Variants in RNF144A observed in about 807,000 individuals in gnomAD.
RNF144A encodes the protein ring finger protein 144A.
A neutral mutation model predicts 38.7 loss-of-function variants in RNF144A; 11 were observed. The ratio of observed to expected loss-of-function variants is 0.28; its 90% CI spans 0.18 to 0.47. The LOEUF (loss-of-function observed/expected upper bound fraction) is 0.47, where lower values mean the gene tolerates loss of function less well. Ranked by LOEUF, RNF144A falls within the 20% of genes least tolerant of loss-of-function variation. The pLI, the probability that RNF144A is intolerant of heterozygous loss-of-function variation, is 0.99. For missense variants in RNF144A, 316 were observed against 377.2 expected, an observed-to-expected ratio of 0.84 and a Z score of 1.34; for synonymous variants, 149 against 143.9, an observed-to-expected ratio of 1.04 and a Z score of -0.25.
At position 7,039,811 on chromosome 2, in the gene RNF144A, C is replaced by T. The variant is rs1672937078; in HGVS notation, c.*51C>T. The T allele has an allele frequency of 6.3e-7, 1 of 1,597,398 alleles. No homozygotes were observed. The highest frequency in any genetic ancestry group is 8.5e-7 in the Non-Finnish European group (1 of 1,170,574). ...CCTGCCTCCGGGAAGTGTGGCTCTC[C>T]CCCAACCCTCCCCACCGTCCCCCCT... On this transcript the variant is annotated 3_prime_UTR_variant, in exon 9 of 9. Transcript: ENST00000320892.
chr2:6,918,762 T>A (rs1415428510), intron 1 of RNF144A: 1 of 5,352 alleles, frequency 1.9e-4, no homozygotes, highest in Non-Finnish European at 3.4e-4. Context: ...AGACTCCGTC[T>A]CAAAAAAAAA....
In RNF144A at chr2:7,003,858, C is replaced by T. The variant is rs554730157; in HGVS notation, c.135+6797C>T. ...GGGGGCATGCATTTTCTTATGATCC[C>T]CACTTTTCTGCACGCTTTGTTTCCA... On this transcript the variant is annotated intron_variant, in intron 3 of 8. Transcript: ENST00000320892. 5.3e-5 allele frequency among the ~76,000 whole-genome samples: 8 copies of T among 152,344 alleles called. No individual in the cohort carries two copies. The South Asian group carries it at 1.0e-3, about 20-fold the overall frequency.
rs1385448304 is a variant in RNF144A at position 6,917,656 on chromosome 2, C to T, written c.-212+34C>T. Reference sequence around the variant, plus strand: ...ACGCGCGTCCCCTTTGTGTCCGCATCGCCCGGGCCGGCCGCGGAGCGGGGA... The same window carrying T: ...ACGCGCGTCCCCTTTGTGTCCGCATTGCCCGGGCCGGCCGCGGAGCGGGGA... On this transcript the variant is annotated intron_variant, in intron 1 of 8. Coordinates refer to ENST00000320892, the MANE Select transcript of RNF144A (RefSeq NM_014746.6). The surrounding 1 kb of genome is among the most constrained non-coding windows in gnomAD (Gnocchi z 4.8). 2.7e-5 allele frequency: 4 copies of T among 147,676 alleles called. No individual in the cohort carries two copies. Among genetic ancestry groups the T allele is most frequent in the South Asian group, 2.1e-4 (1 of 4,828 alleles). The allele number at this position is 147,676 out of a possible 1,614,324, so 9.1% of individuals were successfully genotyped here.
At chr2:7,031,028 C>T (rs753974453) in intron 8 of RNF144A, among the ~76,000 whole-genome samples, 2 of 152,098 alleles carry the variant, frequency 1.3e-5, no homozygotes, top group Non-Finnish European at 2.9e-5. Flanking sequence ...AGGTGGGGCT[C>T]AGGCGGTAAC....
intron 3 of RNF144A, among the ~76,000 whole-genome samples, chr2:7,009,220 G>T (rs1171805873): frequency 6.6e-6 from 1 of 152,240 alleles, no homozygotes; most frequent in Non-Finnish European, 1.5e-5. Flanking sequence ...GGGGTAAGAA[G>T]AACTAGTATT....
At chr2:7,037,101 A>G (rs969355390) in intron 8 of RNF144A, among the ~76,000 whole-genome samples, 4 of 152,138 alleles carry the variant, frequency 2.6e-5, no homozygotes, top group Non-Finnish European at 5.9e-5. Flanking sequence ...GCCTTCTGTG[A>G]TCAAGTATCT....
Position 7,041,625 on chromosome 2 carries a change from G to A in RNF144A, c.*1865G>A, listed in dbSNP as rs1673049844. The A allele has an allele frequency of 1.3e-5, 13 of 985,712 alleles. No individual in the cohort carries two copies. Among genetic ancestry groups the A allele is most frequent in the Non-Finnish European group, 1.6e-5 (13 of 829,978 alleles). 61.1% of individuals were successfully genotyped at this position (985,712 alleles called of 1,614,324 possible). A position where few individuals can be genotyped will look rare whatever the true frequency, so the allele number is the denominator to read the frequency against. On this transcript the variant is annotated 3_prime_UTR_variant, in exon 9 of 9. Coordinates refer to ENST00000320892, the MANE Select transcript of RNF144A (RefSeq NM_014746.6). ...ACTCCACGCGGGAGTCATTGGCTGG[G>A]CTTGAGCCCTCAGCCTGTGATATGT...
At chr2:6,972,359 A>G (rs1449551193) in intron 2 of RNF144A, among the ~76,000 whole-genome samples, 4 of 152,210 alleles carry the variant, frequency 2.6e-5, no homozygotes, top group African/African-American at 7.2e-5. Flanking sequence ...AAGGGAGATT[A>G]TATAACTTCT....
At chr2:6,921,023 G>A (rs539590599) in intron 1 of RNF144A, among the ~76,000 whole-genome samples, 1 of 152,278 alleles carries the variant, frequency 6.6e-6, no homozygotes, top group Non-Finnish European at 1.5e-5. Context: ...TTTTCCAGGA[G>A]AATAAATATT....
chr2:7,000,834 A>C lies in RNF144A; in HGVS notation c.135+3773A>C, dbSNP rs545443986. 6.2e-4 allele frequency among the ~76,000 whole-genome samples: 93 copies of C among 151,008 alleles called. 1 individual carries two copies. Among genetic ancestry groups the C allele is most frequent in the African/African-American group, 2.0e-3 (84 of 41,320 alleles). On this transcript the variant is annotated intron_variant, in intron 3 of 8. Transcript: ENST00000320892. ...TAAGCCAAATAAAACATACATATAC[A>C]CATATATTTTATATATATATTGCGT...
At chr2:6,930,052 C>T (rs556066025) in intron 1 of RNF144A, among the ~76,000 whole-genome samples, 6 of 152,314 alleles carry the variant, frequency 3.9e-5, no homozygotes, top group Admixed American at 1.3e-4. Context: ...TTACTTTGCA[C>T]AGTTGCGCTT....
At chr2:7,007,947 C>T (rs558399995) in intron 3 of RNF144A, among the ~76,000 whole-genome samples, 2 of 152,318 alleles carry the variant, frequency 1.3e-5, no homozygotes, top group Admixed American at 6.5e-5. Flanking sequence ...GAAGTCTTCC[C>T]TCTCCACCAG....
At chr2:6,949,562 C>G (rs1299632361) in intron 2 of RNF144A, among the ~76,000 whole-genome samples, 1 of 152,054 alleles carries the variant, frequency 6.6e-6, no homozygotes, top group African/African-American at 2.4e-5. Flanking sequence ...GAGAGCTGGC[C>G]CTGGAGGCAG....
At chr2:6,955,452 C>T (rs1380617496) in intron 2 of RNF144A, among the ~76,000 whole-genome samples, 1 of 152,140 alleles carries the variant, frequency 6.6e-6, no homozygotes, top group East Asian at 1.9e-4. Flanking sequence ...CGTGGGGATT[C>T]CAGGGCTGGC....
intron 7 of RNF144A, among the ~76,000 whole-genome samples, chr2:7,028,199 G>C (rs1558445470): frequency 6.6e-6 from 1 of 152,226 alleles, no homozygotes; most frequent in Non-Finnish European, 1.5e-5. Flanking sequence ...GTTCACCAGA[G>C]AGGACAGAAT....
chr2:6,947,258 A>T (rs912812423), intron 2 of RNF144A, among the ~76,000 whole-genome samples: 1 of 152,054 alleles, frequency 6.6e-6, no homozygotes, highest in Non-Finnish European at 1.5e-5. Flanking sequence ...ACATTAATTT[A>T]TATTTATCTT....
intron 2 of RNF144A, among the ~76,000 whole-genome samples, chr2:6,980,271 C>G (rs557677450): frequency 6.6e-6 from 1 of 152,324 alleles, no homozygotes; most frequent in African/African-American, 2.4e-5. Context: ...CCCCCAGAGT[C>G]TTAACTCATT....
chr2:7,049,569 C>A (rs309290), intron 6 of RNF144A, among the ~76,000 whole-genome samples: 54,700 of 152,084 alleles, frequency 0.36, 10,780 homozygotes, highest in South Asian at 0.56. Flanking sequence ...GAGTTTTCAA[C>A]GACACGAAAA....
intron 3 of RNF144A, among the ~76,000 whole-genome samples, chr2:7,009,912 C>G (rs1261045726): frequency 1.3e-5 from 2 of 152,216 alleles, no homozygotes; most frequent in African/African-American, 4.8e-5. Context: ...TCTGGCTACT[C>G]TGTGTGTGTT....
Sources: gnomAD v4.1 joint callset for allele counts (sites outside exome capture counted in the v4.1 genomes callset) on GRCh38, gnomAD v4.1.1 for gene constraint, Gnocchi (gnomAD v3.1) non-coding constraint, MANE v1.5 for transcripts, NCBI Gene and HGNC (gene_info 2026-07-23, HGNC 2026-07-21) for gene names.